The following VPS13B variants were observed in gnomAD, a reference collection of about 807,000 sequenced individuals.
VPS13B encodes the protein vacuolar protein sorting 13 homolog B.
VPS13B carries 285 observed loss-of-function variants against 426.4 expected under a neutral mutation model. That is an observed-to-expected ratio of 0.67 (90% CI 0.61 to 0.74). The LOEUF (loss-of-function observed/expected upper bound fraction) is 0.74. VPS13B is among the 30% of genes least tolerant of loss of function. VPS13B has a pLI of 0.00. For synonymous variants in VPS13B, 1,676 were observed against 1,676.4 expected, an observed-to-expected ratio of 1.00 and a Z score of 0.01; for missense variants, 4,537 against 4,782.6, an observed-to-expected ratio of 0.95 and a Z score of 1.51.
intron 19 of VPS13B, among the ~76,000 whole-genome samples, chr8:99,283,914 G>T (rs7823291): frequency 0.72 from 110,100 of 152,078 alleles, 40,540 homozygotes; most frequent in Middle Eastern, 0.83. Flanking sequence ...GTAGTGCAGA[G>T]AATTTTTTTA....
At chr8:99,586,754 C>G (rs74535567) in intron 33 of VPS13B, among the ~76,000 whole-genome samples, 3 of 152,142 alleles carry the variant, frequency 2.0e-5, no homozygotes, top group Non-Finnish European at 4.4e-5. Flanking sequence ...AGTGGCCATA[C>G]TGTCCAAAGT....
At chr8:99,145,581 T>C (rs1810663504) in intron 13 of VPS13B, among the ~76,000 whole-genome samples, 1 of 150,932 alleles carries the variant, frequency 6.6e-6, no homozygotes, top group East Asian at 2.0e-4. Flanking sequence ...TATGTAAGCT[T>C]TTGAGGTTGA....
At chr8:99,379,898 G>A (rs1234629085) in intron 19 of VPS13B, among the ~76,000 whole-genome samples, 1 of 151,962 alleles carries the variant, frequency 6.6e-6, no homozygotes, top group African/African-American at 2.4e-5. Context: ...ATCTACGTAG[G>A]TTTTAGAAAG....
chr8:99,448,542 T>C (rs1211897334), intron 23 of VPS13B, among the ~76,000 whole-genome samples: 1 of 152,210 alleles, frequency 6.6e-6, no homozygotes, highest in East Asian at 1.9e-4. Flanking sequence ...TTACTCTTTG[T>C]CTTTACACAT....
intron 5 of VPS13B, among the ~76,000 whole-genome samples, chr8:99,103,739 T>A (rs1421252915): frequency 6.6e-6 from 1 of 152,060 alleles, no homozygotes; most frequent in Admixed American, 6.6e-5. Flanking sequence ...GACCTTGTGA[T>A]CCACCCGCCT....
rs1026588488 is a variant in VPS13B, at chr8:99,720,360, G to A, written c.6673G>A (p.Glu2225Lys). The part of the protein sequence containing the change: ...GGLLQVFWGQ[E>K]HLNCLVLLHE... The stretch of plus-strand genomic sequence containing the variant: ...GATTTTAAAGGTCTTCTGGGGTCAA[G>A]AACATTTGAATTGTTTAGTTCTTCT... The change falls in exon 38 of 62, where the codon GAA becomes AAA. Residue 2225 changes from glutamate (E) to lysine (K), a missense_variant. Coordinates refer to ENST00000357162, the MANE Select transcript of VPS13B (RefSeq NM_152564.5). 1.9e-6 allele frequency: 3 copies of A among 1,612,732 alleles called. No individual in the cohort carries two copies. Among genetic ancestry groups the A allele is most frequent in the African/African-American group, 2.7e-5 (2 of 74,884 alleles).
chr8:99,412,556 C>T (rs997114866), intron 21 of VPS13B, among the ~76,000 whole-genome samples: 1 of 152,088 alleles, frequency 6.6e-6, no homozygotes, highest in African/African-American at 2.4e-5. Context: ...CATGAATACC[C>T]TTTATTTCTT....
chr8:99,418,503 CTTTCTTT>C (rs1480722412), intron 21 of VPS13B, among the ~76,000 whole-genome samples: 39 of 130,668 alleles, frequency 3.0e-4, no homozygotes, highest in Non-Finnish European at 4.9e-4. Context: ...TTCTTTCTTT[CTTTCTTT>C]CTTTCCTTTC....
intron 33 of VPS13B, among the ~76,000 whole-genome samples, chr8:99,588,276 G>A (rs1317121237): frequency 1.3e-5 from 2 of 151,656 alleles, no homozygotes; most frequent in Non-Finnish European, 2.9e-5. Flanking sequence ...TGTTCTTTTT[G>A]CTTAGGATTG....
At chr8:99,602,513 G>A (rs1827356358) in intron 33 of VPS13B, among the ~76,000 whole-genome samples, 1 of 151,958 alleles carries the variant, frequency 6.6e-6, no homozygotes, top group Non-Finnish European at 1.5e-5. Flanking sequence ...ATTCAACATA[G>A]TATTGGAAGT....
chr8:99,800,222 CA>C (rs1290053187), intron 43 of VPS13B, among the ~76,000 whole-genome samples: 1 of 152,102 alleles, frequency 6.6e-6, no homozygotes, highest in African/African-American at 2.4e-5. Context: ...ACATATATAT[CA>C]AAGTTCTTTG....
intron 19 of VPS13B, among the ~76,000 whole-genome samples, chr8:99,372,400 T>G (rs1024420398): frequency 6.6e-6 from 1 of 152,208 alleles, no homozygotes; most frequent in African/African-American, 2.4e-5. Context: ...AGAAATTTTT[T>G]GCAATCTACT....
intron 19 of VPS13B, among the ~76,000 whole-genome samples, chr8:99,314,406 G>T (rs890979700): frequency 6.6e-6 from 1 of 152,042 alleles, no homozygotes; most frequent in African/African-American, 2.4e-5. Flanking sequence ...GCTATTGAAT[G>T]AAATGTTCTG....
At chr8:99,196,111 G>A (rs1251262678) in intron 17 of VPS13B, among the ~76,000 whole-genome samples, 1 of 151,958 alleles carries the variant, frequency 6.6e-6, no homozygotes. Context: ...TTTGATAGGG[G>A]TCGCATTGAA....
intron 16 of VPS13B, among the ~76,000 whole-genome samples, chr8:99,177,839 A>G (rs558798417): frequency 1.4e-4 from 21 of 152,352 alleles, no homozygotes; most frequent in African/African-American, 3.8e-4. Flanking sequence ...CTATGTCAGA[A>G]TAATTATATT....
At position 99,828,408 on chromosome 8, in the gene VPS13B, T is replaced by C. The variant is rs1318833301; in HGVS notation, c.9331-3961T>C. 9.0e-5 allele frequency among the ~76,000 whole-genome samples: 5 copies of C among 55,628 alleles called. 2 individuals are homozygous for C. The highest frequency in any genetic ancestry group is 2.0e-4 in the African/African-American group (3 of 15,196). The allele number at this position is 55,628 out of a possible 152,430, so 36.5% of individuals were successfully genotyped here. ...TTACAACCACCGTTTTTTTTTTTTTTTTTTTTTTTTTTTTTTTTTTTTTTT... is the reference window on the plus strand; with the variant it reads ...TTACAACCACCGTTTTTTTTTTTTTCTTTTTTTTTTTTTTTTTTTTTTTTT... On this transcript the variant is annotated intron_variant, in intron 51 of 61. Transcript: ENST00000357162.
rs1444461997 is a variant in VPS13B at position 99,337,361 on chromosome 8, T to G, written c.2825-46847T>G. Among the ~76,000 whole-genome samples, 6 of 89,500 alleles carry G rather than the reference T, an allele frequency of 6.7e-5. No homozygotes were observed. The East Asian group carries it at 1.8e-3, about 27-fold the overall frequency. The allele number at this position is 89,500 out of a possible 152,430, so 58.7% of individuals were successfully genotyped here. A position where few individuals can be genotyped will look rare whatever the true frequency, so the allele number is the denominator to read the frequency against. The stretch of plus-strand genomic sequence containing the variant: ...GGGAACATCACACTCTGGGGACTGT[T>G]GTGGGGTGGGGGGAGGGGAGATGGA... On this transcript the variant is annotated intron_variant, in intron 19 of 61. Coordinates refer to ENST00000357162, the MANE Select transcript of VPS13B (RefSeq NM_152564.5).
intron 44 of VPS13B, among the ~76,000 whole-genome samples, chr8:99,812,894 T>G (rs1813797318): frequency 6.6e-6 from 1 of 152,190 alleles, no homozygotes; most frequent in South Asian, 2.1e-4. Flanking sequence ...TAAAATCATA[T>G]GTGGAAATCT....
rs112578474 is a variant in VPS13B, at chr8:99,244,458, A to C, written c.2516-29740A>C. On this transcript the variant is annotated intron_variant, in intron 17 of 61. Coordinates refer to ENST00000357162, the MANE Select transcript of VPS13B (RefSeq NM_152564.5). ...TATTTAGTGTTTTTCTTGCAGCTTT[A>C]CTAAGTAGATTTTAAAAGTAGCATA... Among the ~76,000 whole-genome samples, 592 of 152,328 alleles carry C rather than the reference A, an allele frequency of 3.9e-3. 6 individuals are homozygous for C. The highest frequency in any genetic ancestry group is 0.013 in the African/African-American group (525 of 41,586).
Sources: gnomAD v4.1 joint callset for allele counts (sites outside exome capture counted in the v4.1 genomes callset) on GRCh38, gnomAD v4.1.1 for gene constraint, MANE v1.5 for transcripts, NCBI Gene and HGNC (gene_info 2026-07-23, HGNC 2026-07-21) for gene names.